LRRK1: variants seen among roughly 807,000 people sequenced by gnomAD.
The protein encoded by LRRK1 is leucine-rich repeat serine/threonine-protein kinase 1.
A neutral mutation model predicts 209.1 loss-of-function variants in LRRK1; 113 were observed. The observed-to-expected ratio is 0.54, with a 90% CI of 0.46 to 0.63. The LOEUF (loss-of-function observed/expected upper bound fraction) is 0.63, where lower values mean the gene tolerates loss of function less well. Among genes scored for constraint, LRRK1 ranks in the 30% least tolerant of loss-of-function variants. The pLI is 0.00. For synonymous variants in LRRK1, 1,144 were observed against 1,099.7 expected, an observed-to-expected ratio of 1.04 and a Z score of -0.80; for missense variants, 2,284 against 2,632.2, an observed-to-expected ratio of 0.87 and a Z score of 2.89.
rs2036925387 is a variant in LRRK1 at position 101,074,846 on chromosome 15, G to A, written c.*5998G>A. The A allele has an allele frequency of 6.6e-6, 1 of 152,002 alleles. No homozygotes were observed. The highest frequency in any genetic ancestry group is 2.4e-5 in the African/African-American group (1 of 41,342). 9.4% of individuals were successfully genotyped at this position (152,002 alleles called of 1,614,324 possible). On this transcript the variant is annotated 3_prime_UTR_variant, in exon 34 of 34. Coordinates refer to ENST00000388948, the MANE Select transcript of LRRK1 (RefSeq NM_024652.6). ...AAATCTGGCCACCAGGCCAAGGAAT[G>A]CCTGCAGCCCAGGATTCCTCCTAAG...
At chr15:100,955,385 C>A (rs1272986224) in intron 2 of LRRK1, among the ~76,000 whole-genome samples, 1 of 152,072 alleles carries the variant, frequency 6.6e-6, no homozygotes, top group Admixed American at 6.6e-5. Context: ...TTTATTAGTT[C>A]TAGGAGTTTT....
chr15:101,046,047 A>C lies in LRRK1; in HGVS notation c.3030A>C (p.Thr1010=), dbSNP rs765893890. 2.5e-6 allele frequency: 4 copies of C among 1,614,084 alleles called. No homozygotes were observed. The highest frequency in any genetic ancestry group is 2.5e-6 in the Non-Finnish European group (3 of 1,180,032). The change falls in exon 21 of 34, where the codon ACA becomes ACC. Residue 1010 remains threonine, a synonymous_variant. Coordinates refer to ENST00000388948, the MANE Select transcript of LRRK1 (RefSeq NM_024652.6). ...ACACCCACGGTATGCGGCACCCCAC[A>C]GCCAACACCATTCAGAGGGTATTTA... The part of the protein sequence containing the change: ...GLDTHGMRHP[T]ANTIQRVFKM...
In LRRK1 at chr15:101,074,725, A is replaced by C. The variant is rs536677500; in HGVS notation, c.*5877A>C. The stretch of plus-strand genomic sequence containing the variant: ...CTCCACTGTGAGACAAACCCCAGCC[A>C]CATCTCCAGCACACAAGAACTTCCA... On this transcript the variant is annotated 3_prime_UTR_variant, in exon 34 of 34. Coordinates refer to ENST00000388948, the MANE Select transcript of LRRK1 (RefSeq NM_024652.6). 2.6e-3 allele frequency: 393 copies of C among 152,200 alleles called. No homozygotes were observed. The highest frequency in any genetic ancestry group is 9.0e-3 in the African/African-American group (375 of 41,514). 9.4% of individuals were successfully genotyped at this position (152,200 alleles called of 1,614,324 possible).
chr15:101,043,415 G>A (rs187861172), intron 20 of LRRK1, among the ~76,000 whole-genome samples: 10 of 151,452 alleles, frequency 6.6e-5, no homozygotes, highest in Non-Finnish European at 8.8e-5. Flanking sequence ...ATGGCCCAGC[G>A]GTGTCCTTAA....
rs2042044519 is a variant in LRRK1 at position 100,922,866 on chromosome 15, G to A, written c.-122-1645G>A. Among the ~76,000 whole-genome samples the A allele has an allele frequency of 4.6e-5, 7 of 152,294 alleles. No homozygotes were observed. In the South Asian group the frequency reaches 1.5e-3, roughly 32 times the overall value. On this transcript the variant is annotated intron_variant, in intron 1 of 33. Transcript: ENST00000388948. ...AAACATGTGCAGCTTGCACAAGGCT[G>A]CTGGAGCCTGGCTTTTCTAGCTCCA...
chr15:100,970,725 T>A (rs2030809863), intron 2 of LRRK1, among the ~76,000 whole-genome samples: 1 of 152,216 alleles, frequency 6.6e-6, no homozygotes. Context: ...AAAATGACCC[T>A]ATTGGAATCA....
At chr15:101,045,099 A>C (rs1336679968) in intron 20 of LRRK1, among the ~76,000 whole-genome samples, 1 of 152,130 alleles carries the variant, frequency 6.6e-6, no homozygotes, top group Non-Finnish European at 1.5e-5. Flanking sequence ...CAGAGCGTGT[A>C]AGTGAGAGCC....
rs748365815 is a variant in LRRK1, at chr15:101,010,559, T to A, written c.1099T>A (p.Leu367Met). 22 of 1,612,058 alleles carry A rather than the reference T, an allele frequency of 1.4e-5. No homozygotes were observed. In the Admixed American group the frequency reaches 3.3e-4, roughly 25 times the overall value. The change falls in exon 8 of 34, where the codon TTG becomes ATG. Residue 367 changes from leucine to methionine, a missense_variant. Coordinates refer to ENST00000388948, the MANE Select transcript of LRRK1 (RefSeq NM_024652.6). ...LTASKNCLEKLFEEENATNWI... is the reference protein window; with the variant it reads ...LTASKNCLEKMFEEENATNWI... ...AGCTTCAAAAAATTGTTTAGAAAAATTGTTCGAAGAAGAAAATGGTATGTT... is the reference window on the plus strand; with the variant it reads ...AGCTTCAAAAAATTGTTTAGAAAAAATGTTCGAAGAAGAAAATGGTATGTT...
At chr15:100,973,500 G>A (rs1402929122) in intron 2 of LRRK1, among the ~76,000 whole-genome samples, 1 of 151,942 alleles carries the variant, frequency 6.6e-6, no homozygotes, top group African/African-American at 2.4e-5. Context: ...TGTCGGCGAG[G>A]TCGGCCCGGC....
intron 26 of LRRK1, among the ~76,000 whole-genome samples, chr15:101,054,653 G>A (rs955264626): frequency 1.3e-5 from 2 of 151,982 alleles, no homozygotes; most frequent in African/African-American, 2.4e-5. Flanking sequence ...CTAAAAATAC[G>A]AAAATTAGCC....
intron 2 of LRRK1, among the ~76,000 whole-genome samples, chr15:100,927,668 G>A (rs1159739575): frequency 1.3e-5 from 2 of 152,148 alleles, no homozygotes; most frequent in African/African-American, 4.8e-5. Context: ...AAACACCCCA[G>A]AAAGTTCTGT....
In LRRK1 at chr15:100,983,675, C is replaced by A; in HGVS notation, c.409C>A (p.Gln137Lys). The A allele has an allele frequency of 6.2e-7, 1 of 1,608,772 alleles. No homozygotes were observed. Among genetic ancestry groups the A allele is most frequent in the Non-Finnish European group, 8.5e-7 (1 of 1,176,632 alleles). Residue 137 changes from glutamine to lysine, a missense_variant, in exon 4 of 34, where the codon CAG becomes AAG. By Grantham distance (53) the Gln-to-Lys change is moderately conservative. Around this residue, in one of 6 missense-constraint regions of LRRK1, gnomAD observed 134 missense variants for 191.7 expected, o/e 0.70. Coordinates refer to ENST00000388948, the MANE Select transcript of LRRK1 (RefSeq NM_024652.6). ...AAYFGHTAVV[Q>K]ELLESLPGPC... ...GTATTTTGGACACACGGCAGTTGTG[C>A]AGGAATTGCTTGAGTCCTTACCAGG...
intron 2 of LRRK1, among the ~76,000 whole-genome samples, chr15:100,946,373 A>G (rs1441711663): frequency 7.0e-6 from 1 of 143,366 alleles, no homozygotes; most frequent in Non-Finnish European, 1.5e-5. Flanking sequence ...TGCCACCATA[A>G]TGACTGGGGT....
intron 28 of LRRK1, among the ~76,000 whole-genome samples, chr15:101,057,705 A>G (rs1478889004): frequency 1.3e-5 from 2 of 152,148 alleles, no homozygotes; most frequent in Non-Finnish European, 2.9e-5. Flanking sequence ...AGCTTGGGCA[A>G]TATAGTGAGA....
At chr15:101,012,398 G>A (rs922866373) in intron 10 of LRRK1, among the ~76,000 whole-genome samples, 2 of 152,222 alleles carry the variant, frequency 1.3e-5, no homozygotes, top group East Asian at 1.9e-4. Flanking sequence ...TTAAGTCCAC[G>A]GCCTGCCCAT....
chr15:101,012,136 C>G lies in LRRK1; in HGVS notation c.1410C>G (p.Phe470Leu). 6.2e-7 allele frequency: 1 copy of G among 1,607,980 alleles called. No individual in the cohort carries two copies. Among genetic ancestry groups the G allele is most frequent in the Non-Finnish European group, 8.5e-7 (1 of 1,178,442 alleles). Reference sequence around the variant, plus strand: ...TCAAAGAAGTTCCCCTGGGACTTTTCCAGCTTGATGTAAGCCTAATAGCCC... The same window carrying G: ...TCAAAGAAGTTCCCCTGGGACTTTTGCAGCTTGATGTAAGCCTAATAGCCC... ...NALKEVPLGL[F>L]QLDALMFLRL... Residue 470 changes from phenylalanine (F) to leucine (L), a missense_variant, in exon 10 of 34, where the codon TTC (phenylalanine) becomes TTG (leucine). Physicochemically the swap from Phe to Leu is conservative, Grantham distance 22 (BLOSUM62 0). This residue lies in a region of LRRK1 where 494 missense variants were observed against 522.1 expected (regional missense o/e 0.95). Coordinates refer to ENST00000388948, the MANE Select transcript of LRRK1 (RefSeq NM_024652.6).
In LRRK1 at chr15:101,074,793, T is replaced by G. The variant is rs1247296219; in HGVS notation, c.*5945T>G. On this transcript the variant is annotated 3_prime_UTR_variant, in exon 34 of 34. Transcript: ENST00000388948. Reference sequence around the variant, plus strand: ...GGCCAGGCATTCCTCCAGAACCTCCTCCCCCAGGAGCTTGCTACAAGTGCC... The same window carrying G: ...GGCCAGGCATTCCTCCAGAACCTCCGCCCCCAGGAGCTTGCTACAAGTGCC... 5 of 151,770 alleles carry G rather than the reference T, an allele frequency of 3.3e-5. No homozygotes were observed. The highest frequency in any genetic ancestry group is 7.4e-5 in the Non-Finnish European group (5 of 67,952). The allele number at this position is 151,770 out of a possible 1,614,324, so 9.4% of individuals were successfully genotyped here. A position where few individuals can be genotyped will look rare whatever the true frequency, so the allele number is the denominator to read the frequency against.
rs35096812 is a variant in LRRK1, at chr15:101,058,618, G to GGGGC, written c.4679+480_4679+481insCGGG. ...TGCCCCAGATTGCAGAAGGGGCAACGGGGGGGGGCGTCTAAACAGAGTTGG... is the reference window on the plus strand; with the variant it reads ...TGCCCCAGATTGCAGAAGGGGCAACGGGGCGGGGGGGGCGTCTAAACAGAGTTGG... On this transcript the variant is annotated intron_variant, in intron 29 of 33. Coordinates refer to ENST00000388948, the MANE Select transcript of LRRK1 (RefSeq NM_024652.6). Among the ~76,000 whole-genome samples the GGGGC allele has an allele frequency of 0.021, 232 of 11,238 alleles. 35 individuals are homozygous for GGGGC. In the Non-Finnish European group the frequency reaches 0.25, roughly 12 times the overall value. 7.4% of individuals were successfully genotyped at this position (11,238 alleles called of 152,430 possible).
rs371053735 is a variant in LRRK1, at chr15:101,065,448, T to A, written c.5011T>A (p.Ser1671Thr). 6 of 1,614,062 alleles carry A rather than the reference T, an allele frequency of 3.7e-6. No homozygotes were observed. The highest frequency in any genetic ancestry group is 5.1e-6 in the Non-Finnish European group (6 of 1,180,026). Residue 1671 changes from serine to threonine, a missense_variant, in exon 32 of 34, where the codon TCA becomes ACA. By Grantham distance (58) the Ser-to-Thr change is moderately conservative. This residue lies in a region of LRRK1 where 643 missense variants were observed against 695.9 expected (regional missense o/e 0.92). Coordinates refer to ENST00000388948, the MANE Select transcript of LRRK1 (RefSeq NM_024652.6). ...TPKDSCSYLC[S>T]HTANRSKFSI... The stretch of plus-strand genomic sequence containing the variant: ...AAAGGACAGCTGCTCCTACCTGTGC[T>A]CACACACAGCCAACAGGTCCAAGTT...
Sources: gnomAD v4.1 joint callset for allele counts (sites outside exome capture counted in the v4.1 genomes callset) on GRCh38, gnomAD v4.1.1 for gene constraint, gnomAD v4.1.1 regional missense constraint, MANE v1.5 for transcripts, NCBI Gene and HGNC (gene_info 2026-07-23, HGNC 2026-07-21) for gene names.